Variants in KIR2DL3 observed in about 807,000 individuals in gnomAD.
KIR2DL3 encodes the protein killer cell immunoglobulin like receptor, two Ig domains and long cytoplasmic tail 3.
KIR2DL3 carries 39 observed loss-of-function variants against 33.8 expected under a neutral mutation model. The ratio of observed to expected loss-of-function variants is 1.15; its 90% CI spans 0.89 to 1.51. The LOEUF (loss-of-function observed/expected upper bound fraction) is 1.51. KIR2DL3 is among the 40% of genes most tolerant of loss of function. KIR2DL3 has a pLI of 0.00. For synonymous variants in KIR2DL3, 174 were observed against 160.2 expected, an observed-to-expected ratio of 1.09 and a Z score of -0.65; for missense variants, 462 against 426.2, an observed-to-expected ratio of 1.08 and a Z score of -0.74.
chr19:54,751,579 G>A, intron 5 of KIR2DL3, 70 bp from the exon 6 acceptor site: 1 of 1,243,328 alleles, frequency 8.0e-7, no homozygotes, highest in East Asian at 2.3e-5. Flanking sequence ...TGTCAATCAA[G>A]AAATGTGAGA....
At chr19:54,738,706 CT>C in intron 1 of KIR2DL3, 127 bp downstream of exon 1, 1 of 772,860 alleles carries the variant, frequency 1.3e-6, no homozygotes, top group Non-Finnish European at 1.8e-6. Context: ...AAGTGGAGAT[CT>C]GGGCCTGGAG....
intron 3 of KIR2DL3, among the ~76,000 whole-genome samples, chr19:54,742,840 C>T (rs1484207706): frequency 6.6e-6 from 1 of 151,068 alleles, no homozygotes. Context: ...CTGTGGCTCA[C>T]ATTCCAAATA....
chr19:54,752,582 C>T lies in KIR2DL3; in HGVS notation c.*63C>T, dbSNP rs1249428985. 20 of 1,452,322 alleles carry T rather than the reference C, an allele frequency of 1.4e-5. 4 individuals carry two copies. In the Admixed American group the frequency reaches 3.7e-4, roughly 27 times the overall value. The allele number at this position is 1,452,322 out of a possible 1,614,324, so 90.0% of individuals were successfully genotyped here. On this transcript the variant is annotated 3_prime_UTR_variant, in exon 8 of 8. Coordinates refer to ENST00000342376, the MANE Select transcript of KIR2DL3 (RefSeq NM_015868.3). ...GCCTTGAGGGGATCTTCTAGGGAGACAACAGCCCTGTCTCAAAACTGGGTT... is the reference window on the plus strand; with the variant it reads ...GCCTTGAGGGGATCTTCTAGGGAGATAACAGCCCTGTCTCAAAACTGGGTT...
chr19:54,744,892 A>ACATTTTTTTTACCC (rs1293103414), intron 4 of KIR2DL3, among the ~76,000 whole-genome samples: 6 of 71,346 alleles, frequency 8.4e-5, no homozygotes, highest in South Asian at 4.9e-4. Flanking sequence ...ATATATATAT[A>ACATTTTTTTTACCC]TATATACACA....
chr19:54,738,751 T>G (rs1420499028), intron 1 of KIR2DL3, among the ~76,000 whole-genome samples, 172 bp downstream of exon 1: 163 of 142,784 alleles, frequency 1.1e-3, no homozygotes, highest in African/African-American at 4.2e-3. Flanking sequence ...GATATGGGCC[T>G]GGAGGTTGAG....
At chr19:54,744,530 AT>A (rs199781218) in intron 4 of KIR2DL3, among the ~76,000 whole-genome samples, 18,896 of 138,550 alleles carry the variant, frequency 0.14, 4 homozygotes, top group South Asian at 0.2. Flanking sequence ...CACCTTTAAC[AT>A]TTTTTTTTTT....
At chr19:54,744,954 ATTTTTTTTTTTT>A (rs71195797) in intron 4 of KIR2DL3, among the ~76,000 whole-genome samples, 54 of 31,166 alleles carry the variant, frequency 1.7e-3, no homozygotes, top group South Asian at 6.9e-3. Flanking sequence ...ATATATATAT[ATTTTTTTTTTTT>A]TTTTTTTTTT....
At chr19:54,748,916 T>A (rs1490123869) in intron 5 of KIR2DL3, among the ~76,000 whole-genome samples, 2 of 148,936 alleles carry the variant, frequency 1.3e-5, no homozygotes, top group Non-Finnish European at 3.0e-5. Context: ...CGTGAGCCAC[T>A]GTGCCCAGCC....
rs536459607 is a variant in KIR2DL3, at chr19:54,752,177, T to G, written c.821-39T>G. On this transcript the variant is annotated intron_variant, in intron 6 of 7. Coordinates refer to ENST00000342376, the MANE Select transcript of KIR2DL3 (RefSeq NM_015868.3). The stretch of plus-strand genomic sequence containing the variant: ...TGCTTATGAAATGAGGGCCCAGAAG[T>G]GCCCTCTGAGCTGTTTTGTTGACTT... 7 of 1,451,904 alleles carry G rather than the reference T, an allele frequency of 4.8e-6. 2 individuals carry two copies. The East Asian group carries it at 6.8e-5, about 14-fold the overall frequency. 89.9% of individuals were successfully genotyped at this position (1,451,904 alleles called of 1,614,324 possible). A position where few individuals can be genotyped will look rare whatever the true frequency, so the allele number is the denominator to read the frequency against.
At chr19:54,748,625 GT>G (rs940396617) in intron 5 of KIR2DL3, among the ~76,000 whole-genome samples, 2 of 146,500 alleles carry the variant, frequency 1.4e-5, no homozygotes, top group Non-Finnish European at 3.0e-5. Context: ...TTTTTTGTTT[GT>G]TCTTTTGTTT....
At chr19:54,742,307 C>T in intron 3 of KIR2DL3, 28 bp downstream of exon 3, 8 of 1,612,016 alleles carry the variant, frequency 5.0e-6, no homozygotes, top group Non-Finnish European at 6.8e-6. Context: ...TTCTCATTGT[C>T]ATTGGGATGC....
At chr19:54,744,930 A>ATG (rs1284115479) in intron 4 of KIR2DL3, among the ~76,000 whole-genome samples, 19 of 21,532 alleles carry the variant, frequency 8.8e-4, no homozygotes, top group South Asian at 3.4e-3. Flanking sequence ...ACATATATAT[A>ATG]TATATATATA....
chr19:54,742,008 C>T lies in KIR2DL3; in HGVS notation c.99C>T (p.Ala33=), dbSNP rs2071224563. Residue 33 remains alanine, a synonymous_variant, in exon 3 of 8, where the codon GCC becomes GCT. Coordinates refer to ENST00000342376, the MANE Select transcript of KIR2DL3 (RefSeq NM_015868.3). ...TCCACAGAAAACCTTCCCTCCTGGC[C>T]CACCCAGGTCCCCTGGTGAAATCAG... ...EGVHRKPSLL[A]HPGPLVKSEE... is the part of the protein sequence containing the mutation. 4 of 1,611,502 alleles carry T rather than the reference C, an allele frequency of 2.5e-6. No homozygotes were observed. Among genetic ancestry groups the T allele is most frequent in the Non-Finnish European group, 2.5e-6 (3 of 1,178,800 alleles).
rs542899684 is a variant in KIR2DL3 at position 54,751,687 on chromosome 19, G to C, written c.754G>C (p.Val252Leu). The C allele has an allele frequency of 1.1e-5, 17 of 1,478,660 alleles. 1 individual carries two copies. The East Asian group carries it at 3.4e-4, about 29-fold the overall frequency. The allele number at this position is 1,478,660 out of a possible 1,614,324, so 91.6% of individuals were successfully genotyped here. ...RHLHVLIGTS[V>L]VIILFILLLF... ...CCTGCATGTTCTGATTGGGACCTCA[G>C]TGGTCATCATCCTCTTCATCCTCCT... The change falls in exon 6 of 8, where the codon GTG becomes CTG. Residue 252 changes from valine to leucine, a missense_variant. Transcript: ENST00000342376.
intron 2 of KIR2DL3, among the ~76,000 whole-genome samples, chr19:54,740,112 C>T (rs1203292474): frequency 2.0e-5 from 3 of 152,298 alleles, no homozygotes; most frequent in East Asian, 3.9e-4. Flanking sequence ...TGTAGGGAGA[C>T]ACCATGTCTT....
At chr19:54,747,488 C>CTTCGGAGA (rs2072731772) in intron 5 of KIR2DL3, 103 bp downstream of exon 5, 1 of 1,416,526 alleles carries the variant, frequency 7.1e-7, no homozygotes, top group Middle Eastern at 1.8e-4. Flanking sequence ...CATTGTACGC[C>CTTCGGAGA]TGTCTTCTAC....
At chr19:54,739,677 G>A (rs1227718068) in intron 2 of KIR2DL3, 135 bp downstream of exon 2, 2 of 1,459,958 alleles carry the variant, frequency 1.4e-6, no homozygotes, top group African/African-American at 1.4e-5. Context: ...CCACATTTCT[G>A]ACCTCGCCTC....
At chr19:54,740,939 T>G (rs1743325) in intron 2 of KIR2DL3, among the ~76,000 whole-genome samples, 84,760 of 148,422 alleles carry the variant, frequency 0.57, 24,631 homozygotes, top group Middle Eastern at 0.68. Flanking sequence ...AAGGCCAAGA[T>G]CCATGAATGC....
chr19:54,750,741 A>C (rs2073296831), intron 5 of KIR2DL3, among the ~76,000 whole-genome samples: 1 of 138,486 alleles, frequency 7.2e-6, no homozygotes, highest in Non-Finnish European at 1.6e-5. Flanking sequence ...AGGCAGGTTC[A>C]TTACTAACAG....
Sources: gnomAD v4.1 joint callset for allele counts (sites outside exome capture counted in the v4.1 genomes callset) on GRCh38, gnomAD v4.1.1 for gene constraint, MANE v1.5 for transcripts, NCBI Gene and HGNC (gene_info 2026-07-23, HGNC 2026-07-21) for gene names.